Variants in CTDSPL2 observed in about 807,000 individuals in gnomAD.
The protein encoded by CTDSPL2 is CTD small phosphatase like 2.
CTDSPL2 carries 5 observed loss-of-function variants against 60.0 expected under a neutral mutation model. That is an observed-to-expected ratio of 0.08 (90% CI 0.04 to 0.18). The LOEUF (loss-of-function observed/expected upper bound fraction) is 0.18, where lower values mean the gene tolerates loss of function less well. Among genes scored for constraint, CTDSPL2 ranks in the 10% least tolerant of loss-of-function variants. The pLI is 1.00. For missense variants in CTDSPL2, 370 were observed against 548.8 expected, an observed-to-expected ratio of 0.67 and a Z score of 3.26; for synonymous variants, 186 against 189.3, an observed-to-expected ratio of 0.98 and a Z score of 0.14.
intron 1 of CTDSPL2, chr15:44,428,057 C>T (rs759639448): frequency 2.1e-4 from 39 of 188,404 alleles, no homozygotes; most frequent in Non-Finnish European, 3.6e-4. Flanking sequence ...TGCTACCCAC[C>T]CCCACTCCGA....
At chr15:44,503,654 A>G (rs1254557626) in intron 8 of CTDSPL2, 1 of 152,236 alleles carries the variant, frequency 6.6e-6, no homozygotes, top group Admixed American at 6.5e-5. Flanking sequence ...GATTGAAGAC[A>G]AAAAGAAGAT....
intron 5 of CTDSPL2, among the ~76,000 whole-genome samples, chr15:44,493,465 TAAAATAGGC>T (rs1316208318): frequency 5.9e-5 from 9 of 152,132 alleles, no homozygotes; most frequent in African/African-American, 2.2e-4. Context: ...CTAAAGGAGA[TAAAATAGGC>T]AAAATACTTA....
chr15:44,455,916 C>G (rs1221276087), intron 1 of CTDSPL2, among the ~76,000 whole-genome samples: 4 of 121,066 alleles, frequency 3.3e-5, no homozygotes, highest in African/African-American at 1.2e-4. Flanking sequence ...GTGGCACAAT[C>G]TCGGCTCACT....
chr15:44,459,966 G>A (rs1172563127), intron 2 of CTDSPL2, among the ~76,000 whole-genome samples: 1 of 152,130 alleles, frequency 6.6e-6, no homozygotes, highest in African/African-American at 2.4e-5. Flanking sequence ...GGACCAACTT[G>A]AGTGACCTAA....
chr15:44,435,846 G>A (rs1420024395), intron 1 of CTDSPL2, among the ~76,000 whole-genome samples: 2 of 151,896 alleles, frequency 1.3e-5, no homozygotes, highest in Non-Finnish European at 2.9e-5. Context: ...ACCTCAAGTG[G>A]TCCACCCGCC....
intron 8 of CTDSPL2, among the ~76,000 whole-genome samples, chr15:44,513,248 C>G (rs1325827685): frequency 2.0e-5 from 3 of 152,048 alleles, no homozygotes; most frequent in Non-Finnish European, 4.4e-5. Flanking sequence ...GGCGGATCAC[C>G]TGAGGTCAGG....
intron 8 of CTDSPL2, among the ~76,000 whole-genome samples, chr15:44,507,519 C>A (rs1418349016): frequency 6.6e-6 from 1 of 152,184 alleles, no homozygotes; most frequent in African/African-American, 2.4e-5. Flanking sequence ...TTGGAATTTT[C>A]ATGAAGCAAA....
chr15:44,448,807 G>T (rs62024135), intron 1 of CTDSPL2: 2 of 351,986 alleles, frequency 5.7e-6, no homozygotes, highest in East Asian at 9.6e-5. Flanking sequence ...ACGCTTAGGA[G>T]GGAAAAAAAA....
intron 8 of CTDSPL2, chr15:44,502,075 A>G: frequency 2.3e-6 from 1 of 440,532 alleles, no homozygotes; most frequent in Non-Finnish European, 4.5e-6. Flanking sequence ...ATCTTTAACC[A>G]CTGTACTATG....
intron 1 of CTDSPL2, among the ~76,000 whole-genome samples, chr15:44,434,820 GTT>G (rs1449357706): frequency 7.2e-5 from 11 of 152,230 alleles, no homozygotes; most frequent in Admixed American, 3.9e-4. Context: ...TTTGCCAAAT[GTT>G]TTTGATAAGT....
intron 8 of CTDSPL2, among the ~76,000 whole-genome samples, chr15:44,506,795 C>A (rs1325910807): frequency 2.0e-5 from 3 of 151,606 alleles, no homozygotes; most frequent in South Asian, 2.1e-4. Context: ...GAGACAGAGT[C>A]TCGCTCTGTC....
Position 44,524,363 on chromosome 15 carries a change from A to G in CTDSPL2, c.*189A>G, listed in dbSNP as rs2081839711. The G allele has an allele frequency of 1.7e-6, 1 of 575,036 alleles. No homozygotes were observed. The highest frequency in any genetic ancestry group is 2.1e-5 in the South Asian group (1 of 46,512). 35.6% of individuals were successfully genotyped at this position (575,036 alleles called of 1,614,324 possible). A position where few individuals can be genotyped will look rare whatever the true frequency, so the allele number is the denominator to read the frequency against. The stretch of plus-strand genomic sequence containing the variant: ...TATCTATCTCAGATCGAATACATAT[A>G]GTAGGTAGGCTAAAACAGAAGAGTC... On this transcript the variant is annotated 3_prime_UTR_variant, in exon 13 of 13. Coordinates refer to ENST00000260327, the MANE Select transcript of CTDSPL2 (RefSeq NM_016396.3).
intron 8 of CTDSPL2, among the ~76,000 whole-genome samples, chr15:44,509,569 A>G (rs984388544): frequency 2.0e-5 from 3 of 152,188 alleles, no homozygotes; most frequent in African/African-American, 7.2e-5. Context: ...TACTATCTAT[A>G]TACAATTTTT....
chr15:44,455,393 C>T (rs550974980), intron 1 of CTDSPL2, among the ~76,000 whole-genome samples: 1 of 152,252 alleles, frequency 6.6e-6, no homozygotes, highest in South Asian at 2.1e-4. Flanking sequence ...TCCTCTTTTC[C>T]TAATTGAATA....
At chr15:44,440,970 T>G (rs1261333513) in intron 1 of CTDSPL2, among the ~76,000 whole-genome samples, 1 of 152,158 alleles carries the variant, frequency 6.6e-6, no homozygotes, top group African/African-American at 2.4e-5. Context: ...GTAGTTGGCA[T>G]GTGGGAAGGT....
Position 44,484,333 on chromosome 15 carries a change from G to C in CTDSPL2, c.296G>C (p.Arg99Pro), listed in dbSNP as rs767957106. The change falls in exon 3 of 13, where the codon CGA becomes CCA. Residue 99 changes from arginine (R) to proline (P), a missense_variant. Coordinates refer to ENST00000260327, the MANE Select transcript of CTDSPL2 (RefSeq NM_016396.3). ...GAAAAACCTAACAAACAGATATCTC[G>C]AGTAAGACGGAAAAGTCAAGTAAAT... ...AGEKPNKQIS[R>P]VRRKSQVNGE... 6.2e-7 allele frequency: 1 copy of C among 1,613,454 alleles called. No homozygotes were observed. Among genetic ancestry groups the C allele is most frequent in the South Asian group, 1.1e-5 (1 of 91,012 alleles).
At chr15:44,509,325 T>G (rs1162307798) in intron 8 of CTDSPL2, among the ~76,000 whole-genome samples, 1 of 152,068 alleles carries the variant, frequency 6.6e-6, no homozygotes. Flanking sequence ...CTTCAGCCTT[T>G]CAAGTAGCTG....
intron 1 of CTDSPL2, among the ~76,000 whole-genome samples, chr15:44,435,308 G>A (rs977722857): frequency 6.7e-6 from 1 of 149,624 alleles, no homozygotes. Context: ...AATGGCTCAC[G>A]CGTGTAATCC....
chr15:44,454,776 A>G (rs1250877393), intron 1 of CTDSPL2, among the ~76,000 whole-genome samples: 1 of 152,028 alleles, frequency 6.6e-6, no homozygotes, highest in Middle Eastern at 3.2e-3. Flanking sequence ...GTTCAGTCCC[A>G]TTGGTCTATA....
Sources: gnomAD v4.1 joint callset for allele counts (sites outside exome capture counted in the v4.1 genomes callset) on GRCh38, gnomAD v4.1.1 for gene constraint, MANE v1.5 for transcripts, NCBI Gene and HGNC (gene_info 2026-07-23, HGNC 2026-07-21) for gene names.